Variants in DHRSX observed in about 807,000 individuals in gnomAD.
DHRSX encodes polyprenol dehydrogenase.
A neutral mutation model predicts 34.0 loss-of-function variants in DHRSX; 31 were observed. The ratio of observed to expected loss-of-function variants is 0.91; its 90% confidence interval spans 0.69 to 1.23. The LOEUF (loss-of-function observed/expected upper bound fraction) is 1.23. Among genes scored for constraint, DHRSX ranks in the 50% most tolerant of loss-of-function variants. The pLI, the probability that DHRSX is intolerant of heterozygous loss-of-function variation, is 0.00. For missense variants in DHRSX, 414 were observed against 428.1 expected (o/e 0.97, Z 0.29); for synonymous variants, 201 against 183.8 (o/e 1.09, Z -0.76).
chrX:2,234,290 T>C (rs865791580), intron 6 of DHRSX, among the ~76,000 whole-genome samples: 1 of 146,678 alleles, frequency 6.8e-6, no homozygotes, highest in Non-Finnish European at 1.5e-5. Flanking sequence ...GCTCCATGCA[T>C]GTGCATTCAA....
At chrX:2,263,410 G>A (rs770371214) in intron 5 of DHRSX, among the ~76,000 whole-genome samples, 6 of 152,130 alleles carry the variant, frequency 3.9e-5, no homozygotes, top group South Asian at 2.1e-4. Flanking sequence ...GCGGGTTCTC[G>A]CCAGACGCTG....
rs766602788 is a variant in DHRSX, at chrX:2,490,379, G to A, written c.109+10438C>T. ...CTTCTTGCTGTCGTAGCCGTGGCCG[G>A]CCTTGACGGCCAGCGCGTCCTGCCC... On this transcript the variant is annotated intron_variant, in intron 1 of 6. Transcript: ENST00000334651. 5.6e-6 allele frequency: 9 copies of A among 1,613,684 alleles called. No homozygotes were observed. The Admixed American group carries it at 1.5e-4, about 27-fold the overall frequency.
intron 3 of DHRSX, among the ~76,000 whole-genome samples, chrX:2,331,026 G>C (rs2042465913): frequency 6.6e-6 from 1 of 152,114 alleles, no homozygotes; most frequent in South Asian, 2.1e-4. Flanking sequence ...AGGCTCTGGA[G>C]ATGTCCAGTA....
intron 1 of DHRSX, among the ~76,000 whole-genome samples, chrX:2,473,373 T>C (rs192297617): frequency 0.2 from 30,921 of 151,468 alleles, 4,236 homozygotes; most frequent in African/African-American, 0.39. Flanking sequence ...CCTGTCATCC[T>C]AACATTTTGG....
intron 4 of DHRSX, among the ~76,000 whole-genome samples, chrX:2,267,178 G>A (rs2041486451): frequency 6.6e-6 from 1 of 152,172 alleles, no homozygotes; most frequent in Non-Finnish European, 1.5e-5. Context: ...TCTGTGCCTT[G>A]AGTTTAAAAA....
intron 3 of DHRSX, among the ~76,000 whole-genome samples, chrX:2,311,149 GGA>G (rs1446354800): frequency 1.3e-5 from 2 of 151,516 alleles, no homozygotes; most frequent in African/African-American, 4.9e-5. Context: ...GAGAGAAAGA[GGA>G]GAGACACAGA....
chrX:2,448,674 C>T (rs1439831469), intron 1 of DHRSX, among the ~76,000 whole-genome samples: 2 of 152,120 alleles, frequency 1.3e-5, no homozygotes, highest in South Asian at 2.1e-4. Flanking sequence ...TAAAACATCA[C>T]GTACCTCATA....
At chrX:2,428,964 G>A (rs1290234124) in intron 1 of DHRSX, among the ~76,000 whole-genome samples, 3 of 152,114 alleles carry the variant, frequency 2.0e-5, no homozygotes, top group African/African-American at 4.8e-5. Context: ...CGTACATTTC[G>A]TTGTCAGTAT....
chrX:2,350,492 C>T (rs888187274), intron 3 of DHRSX, among the ~76,000 whole-genome samples: 9 of 152,112 alleles, frequency 5.9e-5, no homozygotes, highest in Non-Finnish European at 1.2e-4. Context: ...GAGACAAATA[C>T]CGCATGATGT....
At chrX:2,449,227 C>G (rs1237372930) in intron 1 of DHRSX, among the ~76,000 whole-genome samples, 3 of 151,608 alleles carry the variant, frequency 2.0e-5, no homozygotes, top group Non-Finnish European at 2.9e-5. Context: ...GCACCCTGAC[C>G]AGAAGAGACG....
chrX:2,298,614 A>ACACACACACACGCG (rs772543552), intron 3 of DHRSX, among the ~76,000 whole-genome samples: 1 of 82,956 alleles, frequency 1.2e-5, no homozygotes, highest in Non-Finnish European at 2.9e-5. Context: ...ACACACACAC[A>ACACACACACACGCG]CACACACACA....
intron 1 of DHRSX, among the ~76,000 whole-genome samples, chrX:2,447,578 C>T (rs1357041304): frequency 6.6e-6 from 1 of 152,040 alleles, no homozygotes; most frequent in African/African-American, 2.4e-5. Flanking sequence ...GGGATACCTG[C>T]ACCCCCTGTG....
chrX:2,378,448 T>C (rs1037137183), intron 3 of DHRSX, among the ~76,000 whole-genome samples: 3 of 152,030 alleles, frequency 2.0e-5, no homozygotes, highest in African/African-American at 7.2e-5. Context: ...CCCCTTCTCT[T>C]CCTCCTCCTC....
intron 3 of DHRSX, among the ~76,000 whole-genome samples, chrX:2,298,086 T>G (rs1224295339): frequency 6.6e-6 from 1 of 151,964 alleles, no homozygotes; most frequent in Non-Finnish European, 1.5e-5. Flanking sequence ...GGAACAGGCA[T>G]GCTTGAGACA....
chrX:2,373,338 A>G (rs890875246), intron 3 of DHRSX, among the ~76,000 whole-genome samples: 1 of 152,154 alleles, frequency 6.6e-6, no homozygotes, highest in Non-Finnish European at 1.5e-5. Flanking sequence ...CAGAATCCTC[A>G]CACTCTTTTC....
chrX:2,324,605 C>A (rs980458069), intron 3 of DHRSX, among the ~76,000 whole-genome samples: 9 of 152,022 alleles, frequency 5.9e-5, no homozygotes, highest in Admixed American at 2.6e-4. Context: ...GGACCATGTC[C>A]TATTCACACT....
Position 2,326,985 on chromosome X carries a change from G to C in DHRSX, c.287-35382C>G, listed in dbSNP as rs949515570. On this transcript the variant is annotated intron_variant, in intron 3 of 6. Coordinates refer to ENST00000334651, the MANE Select transcript of DHRSX (RefSeq NM_145177.3). ...TGCCACCATGCCCGGCTAATTTTTC[G>C]TATTTTTAGTAGAGATGGGGTTTCG... Among the ~76,000 whole-genome samples the C allele has an allele frequency of 2.0e-5, 3 of 151,804 alleles. No individual in the cohort carries two copies. In the East Asian group the frequency reaches 5.8e-4, roughly 29 times the overall value.
intron 2 of DHRSX, among the ~76,000 whole-genome samples, chrX:2,418,321 A>G (rs1417472122): frequency 1.3e-5 from 2 of 152,104 alleles, no homozygotes; most frequent in Non-Finnish European, 2.9e-5. Context: ...ATGATCTAAT[A>G]CAACTAGACT....
intron 3 of DHRSX, among the ~76,000 whole-genome samples, chrX:2,348,243 T>C (rs2042744922): frequency 6.6e-6 from 1 of 152,188 alleles, no homozygotes; most frequent in East Asian, 1.9e-4. Context: ...GCTGGCATCC[T>C]GGAAAGGTTG....
Sources: allele counts gnomAD v4.1 joint callset (sites outside exome capture counted in the v4.1 genomes callset), GRCh38; gene constraint gnomAD v4.1.1; transcripts MANE v1.5; gene names NCBI Gene and HGNC (gene_info 2026-07-23, HGNC 2026-07-21).